The following PCDHA3 variants were observed in gnomAD, a reference collection of about 807,000 sequenced individuals.
The protein encoded by PCDHA3 is protocadherin alpha 3.
Under a neutral mutation model 62.2 loss-of-function variants are expected in PCDHA3, and 41 were observed. The observed-to-expected ratio is 0.66, with a 90% CI of 0.51 to 0.86. The LOEUF (loss-of-function observed/expected upper bound fraction) is 0.86. PCDHA3 is among the 40% of genes least tolerant of loss of function. The pLI is 0.00. For synonymous variants in PCDHA3, 640 were observed against 555.4 expected, an observed-to-expected ratio of 1.15 and a Z score of -2.14; for missense variants, 1,304 against 1,241.2, an observed-to-expected ratio of 1.05 and a Z score of -0.76.
In PCDHA3 at chr5:141,010,605, A is replaced by G. The variant is rs2098417765; in HGVS notation, c.*668A>G. ...AAAGTCTGTTGGCTGTGACGTCATT[A>G]TACCTAAAATCTGCATCATACCTGC... On this transcript the variant is annotated 3_prime_UTR_variant, in exon 4 of 4. Transcript: ENST00000522353. 1 of 206,202 alleles carries G rather than the reference A, an allele frequency of 4.8e-6. No individual in the cohort carries two copies. Among genetic ancestry groups the G allele is most frequent in the Non-Finnish European group, 9.9e-6 (1 of 101,122 alleles). 12.8% of individuals were successfully genotyped at this position (206,202 alleles called of 1,614,324 possible). A position where few individuals can be genotyped will look rare whatever the true frequency, so the allele number is the denominator to read the frequency against.
At chr5:140,870,839 T>C (rs1358609489) in intron 1 of PCDHA3, 3 of 1,613,690 alleles carry the variant, frequency 1.9e-6, no homozygotes, top group South Asian at 1.1e-5. Flanking sequence ...GTTAACAAGC[T>C]AGTACCGCGG....
chr5:140,820,724 C>A (rs926082554), intron 1 of PCDHA3, among the ~76,000 whole-genome samples: 1 of 151,900 alleles, frequency 6.6e-6, no homozygotes, highest in Non-Finnish European at 1.5e-5. Flanking sequence ...TTACTGGAAC[C>A]TAAACATTTT....
chr5:140,805,793 T>C (rs1763632197), intron 1 of PCDHA3: 1 of 175,588 alleles, frequency 5.7e-6, no homozygotes, highest in African/African-American at 2.4e-5. Context: ...TTTTTGTATC[T>C]TTAGAAAATC....
chr5:140,841,175 A>C, intron 1 of PCDHA3: 2 of 1,071,562 alleles, frequency 1.9e-6, no homozygotes, highest in Non-Finnish European at 2.7e-6. Context: ...CTGGTTGGTC[A>C]ATGTTCAAAG....
chr5:140,850,789 A>C, intron 1 of PCDHA3: 1 of 1,598,402 alleles, frequency 6.3e-7, no homozygotes, highest in Non-Finnish European at 8.6e-7. Flanking sequence ...GAGGGTAAGC[A>C]GAAGACCGAC....
intron 1 of PCDHA3, chr5:140,807,031 G>T: frequency 1.1e-6 from 1 of 901,874 alleles, no homozygotes; most frequent in Non-Finnish European, 1.7e-6. Flanking sequence ...GAAGGAGGAA[G>T]AAGGGAAAAT....
rs2150164384 is a variant in PCDHA3 at position 140,829,233 on chromosome 5, C to G, written c.2394+25642C>G. On this transcript the variant is annotated intron_variant, in intron 1 of 3. Transcript: ENST00000522353. The stretch of plus-strand genomic sequence containing the variant: ...AGCGTGAACGACCTCGATTCAGGTG[C>G]CAACGGGCAGGTGAACTGCTCGCTG... The G allele has an allele frequency of 3.1e-6, 5 of 1,614,254 alleles. No individual in the cohort carries two copies. In the Admixed American group the frequency reaches 8.3e-5, roughly 27 times the overall value.
chr5:140,945,516 A>C (rs1192013721), intron 1 of PCDHA3, among the ~76,000 whole-genome samples: 2 of 152,154 alleles, frequency 1.3e-5, no homozygotes, highest in Non-Finnish European at 2.9e-5. Flanking sequence ...AAAGTAAATA[A>C]ATAAATAAAA....
chr5:140,847,895 A>G (rs1554141940), intron 1 of PCDHA3: 1 of 149,664 alleles, frequency 6.7e-6, no homozygotes, highest in African/African-American at 2.5e-5. Context: ...CTTTTTCATC[A>G]GTAGATTTCT....
chr5:140,817,956 G>C (rs1766244788), intron 1 of PCDHA3, among the ~76,000 whole-genome samples: 1 of 152,142 alleles, frequency 6.6e-6, no homozygotes, highest in African/African-American at 2.4e-5. Flanking sequence ...TGTTCAATTA[G>C]TGTGTCTTTT....
chr5:140,848,469 T>G, intron 1 of PCDHA3: 9 of 1,548,186 alleles, frequency 5.8e-6, no homozygotes, highest in Non-Finnish European at 7.9e-6. Context: ...CAATTTTCAC[T>G]AATTAGAAGA....
intron 1 of PCDHA3, among the ~76,000 whole-genome samples, chr5:140,838,563 G>A (rs1007641143): frequency 9.9e-5 from 15 of 151,752 alleles, no homozygotes; most frequent in Non-Finnish European, 1.9e-4. Context: ...ATCCAGTACT[G>A]TATTAGGGAC....
intron 3 of PCDHA3, among the ~76,000 whole-genome samples, chr5:141,000,417 A>AT (rs1563652061): frequency 7.5e-4 from 58 of 77,708 alleles, no homozygotes; most frequent in African/African-American, 1.3e-3. Context: ...ATATATATAT[A>AT]TATATTTTTT....
chr5:140,889,983 T>C (rs1347862441), intron 1 of PCDHA3, among the ~76,000 whole-genome samples: 1 of 152,208 alleles, frequency 6.6e-6, no homozygotes, highest in Non-Finnish European at 1.5e-5. Flanking sequence ...TCTCCAGTTG[T>C]CTTAGCTTTC....
At chr5:140,928,808 G>A (rs782344407) in intron 1 of PCDHA3, 3 of 1,614,062 alleles carry the variant, frequency 1.9e-6, no homozygotes, top group Non-Finnish European at 2.5e-6. Flanking sequence ...GTAGTGGTTC[G>A]GGACCATGGA....
chr5:140,862,984 G>A (rs1420012474), intron 1 of PCDHA3: 1 of 546,626 alleles, frequency 1.8e-6, no homozygotes, highest in Non-Finnish European at 3.6e-6. Context: ...TGGTGGCGAA[G>A]GTGCGCACGG....
chr5:140,844,101 A>G lies in PCDHA3; in HGVS notation c.2394+40510A>G, dbSNP rs981033565. Among the ~76,000 whole-genome samples, 6 of 149,238 alleles carry G rather than the reference A, an allele frequency of 4.0e-5. 1 individual carries two copies. In the South Asian group the frequency reaches 1.1e-3, roughly 26 times the overall value. On this transcript the variant is annotated intron_variant, in intron 1 of 3. Transcript: ENST00000522353. ...GGCACTGAACTCTTAATCTTACTCC[A>G]TATGCTGTACTTTGAAATGCATGTT... is the stretch of plus-strand genomic sequence containing the variant.
rs1554169929 is a variant in PCDHA3 at position 140,877,625 on chromosome 5, A to G, written c.2394+74034A>G. On this transcript the variant is annotated intron_variant, in intron 1 of 3. Coordinates refer to ENST00000522353, the MANE Select transcript of PCDHA3 (RefSeq NM_018906.3). ...CTGCTGGTGCTCACGCTGCTGCTGT[A>G]CACTGCGCTGCGTTGCTCAGCGCCG... 6.2e-7 allele frequency: 1 copy of G among 1,613,774 alleles called. No individual in the cohort carries two copies. Among genetic ancestry groups the G allele is most frequent in the Non-Finnish European group, 8.5e-7 (1 of 1,179,852 alleles).
chr5:140,901,857 G>A (rs782415424), intron 1 of PCDHA3, among the ~76,000 whole-genome samples: 4 of 151,902 alleles, frequency 2.6e-5, no homozygotes, highest in African/African-American at 4.8e-5. Flanking sequence ...CCATTTTTTT[G>A]TGTCCTCTTC....
Sources: gnomAD v4.1 joint callset for allele counts (sites outside exome capture counted in the v4.1 genomes callset) on GRCh38, gnomAD v4.1.1 for gene constraint, MANE v1.5 for transcripts, NCBI Gene and HGNC (gene_info 2026-07-23, HGNC 2026-07-21) for gene names.